Variants in SMARCA2 observed in about 807,000 individuals in gnomAD.
The protein encoded by SMARCA2 is SWI/SNF-related matrix-associated actin-dependent regulator of chromatin subfamily A member 2.
Under a neutral mutation model 199.8 loss-of-function variants are expected in SMARCA2, and 61 were observed. The ratio of observed to expected loss-of-function variants is 0.31; its 90% CI spans 0.25 to 0.38. The LOEUF is 0.38. Ranked by LOEUF, SMARCA2 falls within the 10% of genes least tolerant of loss-of-function variation. SMARCA2 has a pLI of 1.00. For missense variants in SMARCA2, 1,344 were observed against 2,012.2 expected (o/e 0.67, Z 6.35); for synonymous variants, 935 against 732.0 (o/e 1.28, Z -4.48).
At chr9:2,026,532 G>T (rs958770553) in intron 1 of SMARCA2, among the ~76,000 whole-genome samples, 4 of 152,112 alleles carry the variant, frequency 2.6e-5, no homozygotes, top group African/African-American at 9.7e-5. Flanking sequence ...GTAGCATTAT[G>T]GGCTAATGTA....
At position 2,182,806 on chromosome 9, in the gene SMARCA2, A is replaced by ATT. The variant is rs34427269; in HGVS notation, c.4461+572_4461+573dup. Among the ~76,000 whole-genome samples, 34 of 146,516 alleles carry ATT rather than the reference A, an allele frequency of 2.3e-4. No individual in the cohort carries two copies. In the East Asian group the frequency reaches 3.1e-3, roughly 13 times the overall value. ...CACCACACCCGGCCTCAAAGCATAT[A>ATT]TTTTTTTTTCGAGATGGAGTCTCGC... On this transcript the variant is annotated intron_variant, in intron 31 of 33. Transcript: ENST00000349721.
chr9:2,107,921 CCTCAA>C (rs1372306672), intron 23 of SMARCA2, among the ~76,000 whole-genome samples: 1 of 151,904 alleles, frequency 6.6e-6, no homozygotes, highest in Non-Finnish European at 1.5e-5. Context: ...GAAGAACAGC[CCTCAA>C]CTCTACCTCC....
At chr9:2,064,080 C>A (rs986526323) in intron 9 of SMARCA2, among the ~76,000 whole-genome samples, 4 of 152,236 alleles carry the variant, frequency 2.6e-5, no homozygotes, top group African/African-American at 9.6e-5. Context: ...GATGAATGTG[C>A]TATTATGTGC....
chr9:2,063,540 A>G (rs1240448098), intron 9 of SMARCA2, among the ~76,000 whole-genome samples: 1 of 152,182 alleles, frequency 6.6e-6, no homozygotes, highest in African/African-American at 2.4e-5. Flanking sequence ...AAATACTTCA[A>G]TAAACCTTTG....
chr9:2,107,832 G>T (rs1307226699), intron 23 of SMARCA2, among the ~76,000 whole-genome samples: 2 of 152,022 alleles, frequency 1.3e-5, no homozygotes, highest in Admixed American at 6.6e-5. Context: ...TTCTGCCCAC[G>T]TGCAGTAAAT....
chr9:2,179,343 T>C (rs1229952490), intron 29 of SMARCA2, among the ~76,000 whole-genome samples: 1 of 152,222 alleles, frequency 6.6e-6, no homozygotes, highest in Non-Finnish European at 1.5e-5. Context: ...CATAGATAAC[T>C]TCCAGGTCCT....
At chr9:2,042,024 C>T (rs1380832825) in intron 4 of SMARCA2, 1 of 152,126 alleles carries the variant, frequency 6.6e-6, no homozygotes, top group Non-Finnish European at 1.5e-5. Context: ...CATACTGGCT[C>T]CTTCATGGCA....
In SMARCA2 at chr9:2,115,734, C is replaced by T. The variant is rs1277821261; in HGVS notation, c.3457-88C>T. On this transcript the variant is annotated intron_variant, in intron 24 of 33. Transcript: ENST00000349721. The surrounding 1 kb of genome is among the most constrained non-coding windows in gnomAD (Gnocchi z 6.0). Reference sequence around the variant, plus strand: ...CTTAGTGAAGGTGAAATACAGAACCCTTCCATATTTCCCTCTGGGGTGGGG... The same window carrying T: ...CTTAGTGAAGGTGAAATACAGAACCTTTCCATATTTCCCTCTGGGGTGGGG... 1.3e-5 allele frequency: 13 copies of T among 986,672 alleles called. No individual in the cohort carries two copies. Among genetic ancestry groups the T allele is most frequent in the Non-Finnish European group, 2.0e-5 (13 of 642,802 alleles). The allele number at this position is 986,672 out of a possible 1,614,324, so 61.1% of individuals were successfully genotyped here.
At position 2,156,475 on chromosome 9, in the gene SMARCA2, G is replaced by A. The variant is rs1825369446; in HGVS notation, c.3982-5211G>A. Among the ~76,000 whole-genome samples, 4 of 133,334 alleles carry A rather than the reference G, an allele frequency of 3.0e-5. No homozygotes were observed. In the South Asian group the frequency reaches 9.4e-4, roughly 31 times the overall value. The allele number at this position is 133,334 out of a possible 152,430, so 87.5% of individuals were successfully genotyped here. ...GCAGAGTTTTGCTCTTGTTACCCAG[G>A]CTGGAGTGCAATGGCACAATCTTGG... On this transcript the variant is annotated intron_variant, in intron 27 of 33. Coordinates refer to ENST00000349721, the MANE Select transcript of SMARCA2 (RefSeq NM_003070.5).
At chr9:2,103,659 TGTGA>T (rs1258450197) in intron 22 of SMARCA2, among the ~76,000 whole-genome samples, 26 of 143,690 alleles carry the variant, frequency 1.8e-4, no homozygotes, top group African/African-American at 7.6e-4. Context: ...TGTGTGTGTG[TGTGA>T]GAGAGAGAGA....
intron 27 of SMARCA2, among the ~76,000 whole-genome samples, chr9:2,124,375 T>A (rs1258137597): frequency 1.3e-5 from 2 of 152,250 alleles, no homozygotes; most frequent in African/African-American, 4.8e-5. Flanking sequence ...CTGCAAGGTC[T>A]GCACAGATCT....
At chr9:2,190,194 T>C (rs976136145) in intron 32 of SMARCA2, among the ~76,000 whole-genome samples, 2 of 152,252 alleles carry the variant, frequency 1.3e-5, no homozygotes, top group African/African-American at 4.8e-5. Context: ...AGAATAGTCC[T>C]GTGAAGGTGG....
intron 7 of SMARCA2, among the ~76,000 whole-genome samples, chr9:2,057,766 T>A (rs1011994165): frequency 6.6e-6 from 1 of 152,150 alleles, no homozygotes; most frequent in African/African-American, 2.4e-5. Flanking sequence ...AGTTTCCTTT[T>A]GAAAAAATGT....
At chr9:2,190,306 A>T (rs1301668286) in intron 32 of SMARCA2, among the ~76,000 whole-genome samples, 1 of 149,272 alleles carries the variant, frequency 6.7e-6, no homozygotes, top group Non-Finnish European at 1.5e-5. Flanking sequence ...ACCAAGATAC[A>T]TTGAAATAGG....
In SMARCA2 at chr9:2,017,616, C is replaced by T. The variant is rs990651733; in HGVS notation, c.-37+2212C>T. 6.6e-6 allele frequency: 1 copy of T among 152,360 alleles called. No homozygotes were observed. The highest frequency in any genetic ancestry group is 2.4e-5 in the African/African-American group (1 of 41,440). 9.4% of individuals were successfully genotyped at this position (152,360 alleles called of 1,614,324 possible). ...TCACAGCAGCGAAGCGCACACAGCA[C>T]ACAGACATGTTTGATTGCCGTGACA... On this transcript the variant is annotated intron_variant, in intron 1 of 33. Coordinates refer to ENST00000349721, the MANE Select transcript of SMARCA2 (RefSeq NM_003070.5). The surrounding 1 kb of genome is among the most constrained non-coding windows in gnomAD (Gnocchi z 8.8).
intron 9 of SMARCA2, among the ~76,000 whole-genome samples, chr9:2,067,192 T>G (rs546453538): frequency 1.3e-5 from 2 of 152,254 alleles, no homozygotes; most frequent in East Asian, 3.8e-4. Flanking sequence ...TGTGCGTGCT[T>G]TTAACTATTT....
intron 17 of SMARCA2, among the ~76,000 whole-genome samples, chr9:2,085,214 T>G (rs1821748588): frequency 6.6e-6 from 1 of 152,194 alleles, no homozygotes; most frequent in South Asian, 2.1e-4. Flanking sequence ...AGAGATGAAT[T>G]TGGCAGTGTC....
At chr9:2,037,881 C>G (rs956602062) in intron 3 of SMARCA2, among the ~76,000 whole-genome samples, 1 of 152,206 alleles carries the variant, frequency 6.6e-6, no homozygotes, top group Non-Finnish European at 1.5e-5. Context: ...TTTCCTTCAT[C>G]TTGGAGCTCC....
intron 5 of SMARCA2, 61 bp downstream of exon 5, chr9:2,047,545 A>C: frequency 8.1e-7 from 1 of 1,236,332 alleles, no homozygotes; most frequent in Non-Finnish European, 1.0e-6. Flanking sequence ...GCCCAAGCCG[A>C]GGGGGGTGAG....
Sources: allele counts gnomAD v4.1 joint callset (sites outside exome capture counted in the v4.1 genomes callset), GRCh38; gene constraint gnomAD v4.1.1; non-coding constraint Gnocchi (gnomAD v3.1); transcripts MANE v1.5; gene names NCBI Gene and HGNC (gene_info 2026-07-23, HGNC 2026-07-21).